The following FHIT variants were observed in gnomAD, a reference collection of about 807,000 sequenced individuals.
FHIT encodes the protein fragile histidine triad diadenosine triphosphatase.
In FHIT, 19 loss-of-function variants were observed where a neutral mutation model predicts 17.9. That is an observed-to-expected ratio of 1.06 (90% CI 0.74 to 1.56). The LOEUF is 1.56. Ranked by LOEUF, FHIT falls within the 40% of genes most tolerant of loss-of-function variation. FHIT has a pLI of 0.00. For synonymous variants in FHIT, 81 were observed against 69.7 expected, an observed-to-expected ratio of 1.16 and a Z score of -0.81; for missense variants, 248 against 189.2, an observed-to-expected ratio of 1.31 and a Z score of -1.82.
chr3:60,043,656 T>C (rs1701533858), intron 5 of FHIT, among the ~76,000 whole-genome samples: 1 of 136,212 alleles, frequency 7.3e-6, no homozygotes, highest in Non-Finnish European at 1.6e-5. Context: ...ACATATTCTG[T>C]GCATGTTATA....
At chr3:59,759,825 G>T (rs1302208995) in intron 8 of FHIT, among the ~76,000 whole-genome samples, 1 of 152,110 alleles carries the variant, frequency 6.6e-6, no homozygotes, top group South Asian at 2.1e-4. Context: ...ATCACCAGGT[G>T]CTTTCACTTG....
At chr3:59,943,618 T>C (rs1447246203) in intron 7 of FHIT, among the ~76,000 whole-genome samples, 3 of 152,170 alleles carry the variant, frequency 2.0e-5, no homozygotes, top group Non-Finnish European at 4.4e-5. Context: ...TATTGTCCTA[T>C]GAGGCCCTGG....
At chr3:60,079,244 G>A (rs550353383) in intron 5 of FHIT, among the ~76,000 whole-genome samples, 5 of 152,218 alleles carry the variant, frequency 3.3e-5, no homozygotes, top group East Asian at 1.9e-4. Flanking sequence ...TGTGCAGGCC[G>A]CAGAGACAAT....
intron 5 of FHIT, among the ~76,000 whole-genome samples, chr3:60,365,071 G>C (rs1302344740): frequency 6.7e-6 from 1 of 149,274 alleles, no homozygotes; most frequent in African/African-American, 2.5e-5. Context: ...TATTCTATTG[G>C]TTCTGTTCTC....
rs974207764 is a variant in FHIT at position 60,200,807 on chromosome 3, C to A, written c.104-186655G>T. On this transcript the variant is annotated intron_variant, in intron 5 of 9. Transcript: ENST00000492590. ...TAAAAATGGGCCAGCCTTTGAAACA[C>A]CCTGACACCACACACTGGCATCTAC... Among the ~76,000 whole-genome samples the A allele has an allele frequency of 8.5e-5, 13 of 152,276 alleles. No individual in the cohort carries two copies. The South Asian group carries it at 2.7e-3, about 32-fold the overall frequency.
chr3:60,913,814 C>T (rs1404167887), intron 3 of FHIT, among the ~76,000 whole-genome samples: 1 of 152,078 alleles, frequency 6.6e-6, no homozygotes, highest in African/African-American at 2.4e-5. Context: ...CTCTCCATGT[C>T]TTTGTTGTTC....
chr3:59,843,359 C>A (rs1300889989), intron 8 of FHIT, among the ~76,000 whole-genome samples: 1 of 152,070 alleles, frequency 6.6e-6, no homozygotes, highest in Non-Finnish European at 1.5e-5. Flanking sequence ...AGTATGAGTC[C>A]TCCAGGTTTG....
intron 5 of FHIT, among the ~76,000 whole-genome samples, chr3:60,307,046 G>A (rs917243030): frequency 6.6e-6 from 1 of 152,140 alleles, no homozygotes; most frequent in Admixed American, 6.6e-5. Flanking sequence ...AAGAAACCAT[G>A]CCCCCTTTTG....
At chr3:60,149,122 G>C (rs565040065) in intron 5 of FHIT, among the ~76,000 whole-genome samples, 1 of 152,162 alleles carries the variant, frequency 6.6e-6, no homozygotes, top group South Asian at 2.1e-4. Flanking sequence ...CTAATTGAAC[G>C]TGAAAGACAT....
At position 60,169,331 on chromosome 3, in the gene FHIT, G is replaced by A. The variant is rs549445985; in HGVS notation, c.104-155179C>T. ...CCTGAAAACAGTGTGGTTATTCCGG[G>A]CTCCACAAACTAGGTAGAAATAAAC... On this transcript the variant is annotated intron_variant, in intron 5 of 9. Coordinates refer to ENST00000492590, the MANE Select transcript of FHIT (RefSeq NM_002012.4). Among the ~76,000 whole-genome samples the A allele has an allele frequency of 1.2e-4, 19 of 152,250 alleles. No individual in the cohort carries two copies. The South Asian group carries it at 3.5e-3, about 28-fold the overall frequency.
At chr3:60,901,910 T>A (rs1706133086) in intron 3 of FHIT, among the ~76,000 whole-genome samples, 1 of 152,222 alleles carries the variant, frequency 6.6e-6, no homozygotes, top group Admixed American at 6.5e-5. Flanking sequence ...AAGTACTGTT[T>A]TGTCCTCGCG....
chr3:60,539,922 C>A (rs1261764571), intron 4 of FHIT, among the ~76,000 whole-genome samples: 2 of 150,180 alleles, frequency 1.3e-5, no homozygotes, highest in Admixed American at 6.7e-5. Flanking sequence ...CACATGTACC[C>A]TAGAACTTAA....
intron 5 of FHIT, among the ~76,000 whole-genome samples, chr3:60,262,329 G>T (rs1310794318): frequency 6.6e-6 from 1 of 151,900 alleles, no homozygotes; most frequent in African/African-American, 2.4e-5. Context: ...CATACAAAAA[G>T]AATTAAAGAA....
In FHIT at chr3:60,233,645, C is replaced by G. The variant is rs993094944; in HGVS notation, c.104-219493G>C. ...CTCTTAAGTCCTTTTGAAAAATAAG[C>G]TGATATAGTTTGGCTGTGTCCCCAC... On this transcript the variant is annotated intron_variant, in intron 5 of 9. Transcript: ENST00000492590. 2.6e-5 allele frequency among the ~76,000 whole-genome samples: 4 copies of G among 152,110 alleles called. No individual in the cohort carries two copies. The South Asian group carries it at 6.2e-4, about 24-fold the overall frequency.
intron 2 of FHIT, among the ~76,000 whole-genome samples, chr3:61,117,175 GT>G (rs1284995835): frequency 6.6e-6 from 1 of 152,190 alleles, no homozygotes; most frequent in Admixed American, 6.6e-5. Flanking sequence ...AAATGGAAGA[GT>G]AAACTGTGCA....
chr3:60,128,318 A>G (rs546041734), intron 5 of FHIT, among the ~76,000 whole-genome samples: 5 of 152,116 alleles, frequency 3.3e-5, no homozygotes, highest in Non-Finnish European at 7.4e-5. Context: ...GTAAGTTCTC[A>G]CAAGACCTCA....
chr3:60,569,663 T>C (rs1219332421), intron 4 of FHIT, among the ~76,000 whole-genome samples: 2 of 149,536 alleles, frequency 1.3e-5, no homozygotes, highest in African/African-American at 2.5e-5. Flanking sequence ...TCCCCATTTA[T>C]ACTCAATGGC....
chr3:60,477,448 C>T (rs2033402818), intron 5 of FHIT, among the ~76,000 whole-genome samples: 1 of 152,144 alleles, frequency 6.6e-6, no homozygotes, highest in African/African-American at 2.4e-5. Flanking sequence ...ATTAAGTCTT[C>T]TCTGACATCA....
chr3:60,507,639 T>C (rs948258358), intron 5 of FHIT, among the ~76,000 whole-genome samples: 1 of 152,048 alleles, frequency 6.6e-6, no homozygotes, highest in Admixed American at 6.5e-5. Flanking sequence ...CTAGTACCCG[T>C]TAGTTATTTT....
Sources: gnomAD v4.1 joint callset for allele counts (sites outside exome capture counted in the v4.1 genomes callset) on GRCh38, gnomAD v4.1.1 for gene constraint, MANE v1.5 for transcripts, NCBI Gene and HGNC (gene_info 2026-07-23, HGNC 2026-07-21) for gene names.